The following ZNF804B variants were observed in gnomAD, a reference collection of about 807,000 sequenced individuals.
ZNF804B encodes the protein zinc finger 804B.
In ZNF804B, 80 loss-of-function variants were observed where a neutral mutation model predicts 101.4. The observed-to-expected ratio is 0.79, with a 90% CI of 0.66 to 0.95. The LOEUF is 0.95. Among genes scored for constraint, ZNF804B ranks in the 40% least tolerant of loss-of-function variants. ZNF804B has a pLI of 0.00. For synonymous variants in ZNF804B, 622 were observed against 558.8 expected (o/e 1.11, Z -1.59); for missense variants, 1,673 against 1,561.9 (o/e 1.07, Z -1.20).
intron 1 of ZNF804B, among the ~76,000 whole-genome samples, chr7:88,916,750 G>T (rs187226050): frequency 6.6e-6 from 1 of 152,112 alleles, no homozygotes; most frequent in South Asian, 2.1e-4. Flanking sequence ...ATTATGAAAT[G>T]GAATACTGTA....
chr7:88,848,431 C>T (rs1050651058), intron 1 of ZNF804B, among the ~76,000 whole-genome samples: 2 of 152,068 alleles, frequency 1.3e-5, no homozygotes, highest in African/African-American at 2.4e-5. Context: ...GTGTGAATGG[C>T]ACAGCTAAGG....
Position 89,148,065 on chromosome 7 carries a change from G to T in ZNF804B, c.109-70090G>T, listed in dbSNP as rs148136657. ...CAATCCCTGGTGCCAAAAAGGTTAG[G>T]GACCACCTACATAGGCTGTGCTTAG... On this transcript the variant is annotated intron_variant, in intron 1 of 3. Transcript: ENST00000333190. 1.6e-3 allele frequency among the ~76,000 whole-genome samples: 242 copies of T among 151,858 alleles called. 1 individual carries two copies. The highest frequency in any genetic ancestry group is 5.4e-3 in the African/African-American group (225 of 41,432).
chr7:89,046,412 A>G (rs2116257031), intron 1 of ZNF804B, among the ~76,000 whole-genome samples: 1 of 152,282 alleles, frequency 6.6e-6, no homozygotes, highest in African/African-American at 2.4e-5. Context: ...TGATAAGTTT[A>G]TTCTTTCTGT....
In ZNF804B at chr7:89,304,053, A is replaced by G. The variant is rs555384708; in HGVS notation, c.250-23291A>G. Among the ~76,000 whole-genome samples, 14 of 152,026 alleles carry G rather than the reference A, an allele frequency of 9.2e-5. No individual in the cohort carries two copies. In the South Asian group the frequency reaches 2.9e-3, roughly 32 times the overall value. On this transcript the variant is annotated intron_variant, in intron 2 of 3. Transcript: ENST00000333190. ...TTGACTTGACCTCCCTTTTTAGAGC[A>G]CTTTTTAATGAAAACTTTTAATTAT...
intron 1 of ZNF804B, among the ~76,000 whole-genome samples, chr7:88,992,439 A>G (rs1390478287): frequency 6.6e-6 from 1 of 152,000 alleles, no homozygotes; most frequent in African/African-American, 2.4e-5. Context: ...ATACAAGAAC[A>G]CCCAGTTATT....
At chr7:88,902,466 A>C (rs1480472407) in intron 1 of ZNF804B, among the ~76,000 whole-genome samples, 1 of 152,016 alleles carries the variant, frequency 6.6e-6, no homozygotes, top group Non-Finnish European at 1.5e-5. Flanking sequence ...GAGGCTACTG[A>C]TTCTGGATGC....
At chr7:89,230,304 AG>A in intron 2 of ZNF804B, among the ~76,000 whole-genome samples, 1 of 73,392 alleles carries the variant, frequency 1.4e-5, no homozygotes, top group South Asian at 4.3e-4. Flanking sequence ...AGACATGGGG[AG>A]GGGGAGAGAG....
At chr7:88,806,675 A>G in intron 1 of ZNF804B, among the ~76,000 whole-genome samples, 1 of 151,956 alleles carries the variant, frequency 6.6e-6, no homozygotes, top group Non-Finnish European at 1.5e-5. Context: ...AAAAGTTCTT[A>G]AAACTTTTCA....
chr7:89,337,582 G>C lies in ZNF804B; in HGVS notation c.*550G>C, dbSNP rs148998720. Among the ~76,000 whole-genome samples the C allele has an allele frequency of 1.2e-3, 177 of 152,116 alleles. No individual in the cohort carries two copies. Among genetic ancestry groups the C allele is most frequent in the African/African-American group, 4.0e-3 (165 of 41,526 alleles). On this transcript the variant is annotated 3_prime_UTR_variant, in exon 4 of 4. Coordinates refer to ENST00000333190, the MANE Select transcript of ZNF804B (RefSeq NM_181646.5). ...ACAAGACATTTTCTGATTAATTTAG[G>C]TTGAAAATTACATTTTAATGAAAAA...
intron 1 of ZNF804B, among the ~76,000 whole-genome samples, chr7:88,956,966 T>G (rs900934158): frequency 1.3e-5 from 2 of 151,502 alleles, no homozygotes; most frequent in Non-Finnish European, 3.0e-5. Context: ...TCCTTATAGA[T>G]GAATACTGCC....
intron 2 of ZNF804B, among the ~76,000 whole-genome samples, chr7:89,244,469 T>C (rs1206042343): frequency 6.6e-6 from 1 of 152,042 alleles, no homozygotes; most frequent in Non-Finnish European, 1.5e-5. Flanking sequence ...CCTCTAAAGA[T>C]AACACTGAAT....
intron 1 of ZNF804B, among the ~76,000 whole-genome samples, chr7:88,876,100 G>T (rs1277457021): frequency 1.3e-5 from 2 of 152,034 alleles, no homozygotes. Context: ...CTTCTCGGAG[G>T]AATTGCTTTG....
chr7:89,133,413 A>G (rs2214341), intron 1 of ZNF804B, among the ~76,000 whole-genome samples: 36,638 of 151,982 alleles, frequency 0.24, 6,170 homozygotes, highest in African/African-American at 0.49. Context: ...AAGCCTGCAC[A>G]AGGGACCTAG....
intron 1 of ZNF804B, among the ~76,000 whole-genome samples, chr7:89,142,770 C>T (rs1029719678): frequency 7.9e-5 from 12 of 152,022 alleles, no homozygotes; most frequent in Non-Finnish European, 1.5e-4. Flanking sequence ...ATTCTTAGTT[C>T]TCTTCAGTTA....
intron 1 of ZNF804B, among the ~76,000 whole-genome samples, chr7:89,012,746 A>G (rs1788484063): frequency 6.6e-6 from 1 of 151,730 alleles, no homozygotes; most frequent in African/African-American, 2.4e-5. Flanking sequence ...AACTGTTCAA[A>G]CCTCTGCCTG....
In ZNF804B at chr7:88,833,297, C is replaced by T. The variant is rs574874272; in HGVS notation, c.108+73213C>T. The stretch of plus-strand genomic sequence containing the variant: ...AGAATATTTGAGGATGCAATCTCAC[C>T]TCTGTTATTTACTGTGAGAATTTGA... On this transcript the variant is annotated intron_variant, in intron 1 of 3. Coordinates refer to ENST00000333190, the MANE Select transcript of ZNF804B (RefSeq NM_181646.5). Among the ~76,000 whole-genome samples the T allele has an allele frequency of 4.6e-5, 7 of 151,934 alleles. No homozygotes were observed. The South Asian group carries it at 1.5e-3, about 31-fold the overall frequency.
At chr7:89,065,528 A>G (rs990527103) in intron 1 of ZNF804B, among the ~76,000 whole-genome samples, 2 of 152,184 alleles carry the variant, frequency 1.3e-5, no homozygotes, top group African/African-American at 4.8e-5. Flanking sequence ...GGGCCCAGCA[A>G]TTTATACACA....
At chr7:89,065,472 C>T (rs1034664532) in intron 1 of ZNF804B, among the ~76,000 whole-genome samples, 5 of 152,048 alleles carry the variant, frequency 3.3e-5, no homozygotes, top group Admixed American at 3.3e-4. Context: ...AAAGCTTAGG[C>T]TTCAGAACCC....
At chr7:89,206,337 C>T (rs968851420) in intron 1 of ZNF804B, among the ~76,000 whole-genome samples, 1 of 152,318 alleles carries the variant, frequency 6.6e-6, no homozygotes, top group East Asian at 1.9e-4. Context: ...TGAATTTCTT[C>T]CCAGAAAATG....
Sources: gnomAD v4.1 joint callset for allele counts (sites outside exome capture counted in the v4.1 genomes callset) on GRCh38, gnomAD v4.1.1 for gene constraint, MANE v1.5 for transcripts, NCBI Gene and HGNC (gene_info 2026-07-23, HGNC 2026-07-21) for gene names.